The following ACACB variants were observed in gnomAD, a reference collection of about 807,000 sequenced individuals.
The protein encoded by ACACB is acetyl-CoA carboxylase 2.
In ACACB, 209 loss-of-function variants were observed where a neutral mutation model predicts 278.8. The observed-to-expected ratio is 0.75, with a 90% CI of 0.67 to 0.84. The LOEUF is 0.84. Among genes scored for constraint, ACACB ranks in the 40% least tolerant of loss-of-function variants. ACACB has a pLI of 0.00. For synonymous variants in ACACB, 1,174 were observed against 1,285.6 expected (o/e 0.91, Z 1.86); for missense variants, 2,850 against 3,269.0 (o/e 0.87, Z 3.13).
intron 39 of ACACB, 99 bp from the exon 40 acceptor site, chr12:109,247,507 A>C: frequency 1.3e-6 from 1 of 792,652 alleles, no homozygotes; most frequent in Non-Finnish European, 2.2e-6. Flanking sequence ...CTAACATGTT[A>C]TTAACATCCA....
At chr12:109,222,735 C>A in intron 25 of ACACB, 64 bp from the exon 26 acceptor site, 1 of 1,550,962 alleles carries the variant, frequency 6.4e-7, no homozygotes. Flanking sequence ...GGCCCGTGCC[C>A]GAGCCTCTGC....
At chr12:109,213,189 G>T (rs559604538) in intron 22 of ACACB, among the ~76,000 whole-genome samples, 2 of 152,232 alleles carry the variant, frequency 1.3e-5, no homozygotes, top group Admixed American at 1.3e-4. Flanking sequence ...TCAGCCTCCC[G>T]AATAGCTGGG....
Position 109,258,375 on chromosome 12 carries a change from C to T in ACACB, c.6360+11C>T, listed in dbSNP as rs571743738. 16 of 1,606,734 alleles carry T rather than the reference C, an allele frequency of 1.0e-5. No homozygotes were observed. Among genetic ancestry groups the T allele is most frequent in the South Asian group, 5.6e-5 (5 of 89,796 alleles). On this transcript the variant is annotated intron_variant, in intron 46 of 52. Transcript: ENST00000338432. ...GATTCTGAGGCCAAGGTGAGGGGGC[C>T]GGGAGCTGTGGCTGCTGGTTTAGCC...
chr12:109,184,315 A>T (rs535742439), intron 11 of ACACB, among the ~76,000 whole-genome samples: 1 of 152,074 alleles, frequency 6.6e-6, no homozygotes, highest in South Asian at 2.1e-4. Context: ...GGCCTCCCAA[A>T]ATGCTGGGAT....
At chr12:109,223,497 C>G (rs1430466851) in intron 26 of ACACB, among the ~76,000 whole-genome samples, 2 of 152,192 alleles carry the variant, frequency 1.3e-5, no homozygotes, top group Non-Finnish European at 2.9e-5. Context: ...GTGGCTCATG[C>G]CTGTAATCCC....
At position 109,168,033 on chromosome 12, in the gene ACACB, AG is replaced by A. The variant is rs1565881950; in HGVS notation, c.925+1del. The A allele has an allele frequency of 3.1e-6, 5 of 1,605,840 alleles. No individual in the cohort carries two copies. Among genetic ancestry groups the A allele is most frequent in the Non-Finnish European group, 4.3e-6 (5 of 1,175,430 alleles). ...CCCCCGAGGACCTTAAGGCCAACGC[AG>A]GTACCTGGGCCTTGACCCTCTCCTC... ...VTPEDLKANA[E>X]YIKMADHYVP... On this transcript the variant is annotated frameshift_variant and splice_region_variant, in exon 4 of 53. Transcript: ENST00000338432. LOFTEE classifies it high-confidence loss of function.
intron 17 of ACACB, among the ~76,000 whole-genome samples, 178 bp downstream of exon 17, chr12:109,197,331 C>A (rs1489045049): frequency 6.6e-6 from 1 of 152,114 alleles, no homozygotes; most frequent in Non-Finnish European, 1.5e-5. Context: ...GTGCAACTGG[C>A]AGATATTTAG....
chr12:109,211,264 T>G (rs967974334), intron 21 of ACACB, among the ~76,000 whole-genome samples: 2 of 151,772 alleles, frequency 1.3e-5, no homozygotes, highest in Admixed American at 1.3e-4. Flanking sequence ...GAATACTGAT[T>G]CATGCTCCCA....
chr12:109,150,967 TTTTCTTTTTTC>T (rs1468818479), intron 2 of ACACB, among the ~76,000 whole-genome samples: 1 of 147,378 alleles, frequency 6.8e-6, no homozygotes, highest in Non-Finnish European at 1.5e-5. Flanking sequence ...TTTTCTTTTC[TTTTCTTTTTTC>T]TTTCTTTTTT....
chr12:109,241,260 G>C lies in ACACB; in HGVS notation c.5001G>C (p.Val1667=). The change falls in exon 36 of 53, where the codon GTG becomes GTC. Residue 1667 remains valine, a synonymous_variant. Transcript: ENST00000338432. ...TGGACATCAGCCTCTACAAAGAAGT[G>C]ACTGACTCCAGATCTGGAAATGTAA... ...YYLDISLYKE[V]TDSRSGNIMF... 6.2e-7 allele frequency: 1 copy of C among 1,614,158 alleles called. No individual in the cohort carries two copies. Among genetic ancestry groups the C allele is most frequent in the Non-Finnish European group, 8.5e-7 (1 of 1,180,028 alleles).
At chr12:109,144,716 T>C (rs1200607855) in intron 2 of ACACB, among the ~76,000 whole-genome samples, 1 of 151,292 alleles carries the variant, frequency 6.6e-6, no homozygotes. Context: ...AAAGGGGAGC[T>C]TCATAGTTTC....
chr12:109,226,966 A>G (rs1055649440), intron 27 of ACACB, among the ~76,000 whole-genome samples: 1 of 149,708 alleles, frequency 6.7e-6, no homozygotes, highest in Non-Finnish European at 1.5e-5. Context: ...TTTTTTTTTA[A>G]TTGAGGAAGG....
At chr12:109,165,364 AT>A (rs958757664) in intron 2 of ACACB, among the ~76,000 whole-genome samples, 3 of 152,076 alleles carry the variant, frequency 2.0e-5, no homozygotes, top group African/African-American at 7.2e-5. Flanking sequence ...TATTATTATT[AT>A]TTTTAATGAG....
chr12:109,241,202 G>A lies in ACACB; in HGVS notation c.4943G>A (p.Arg1648His), dbSNP rs777367863. 16 of 1,614,158 alleles carry A rather than the reference G, an allele frequency of 9.9e-6. No individual in the cohort carries two copies. Among genetic ancestry groups the A allele is most frequent in the South Asian group, 6.6e-5 (6 of 91,082 alleles). ...QTTTGSAVPI[R>H]LFITNESGYY... ...ACCACCGGCAGTGCCGTTCCCATCC[G>A]CCTGTTCATCACCAATGAGTCGGGC... Residue 1648 changes from arginine (R) to histidine (H), a missense_variant, in exon 36 of 53, where the codon CGC (arginine) becomes CAC (histidine). This residue lies in a region of ACACB where 2,265 missense variants were observed against 2,561.3 expected (regional missense o/e 0.88). Transcript: ENST00000338432.
intron 29 of ACACB, 86 bp from the exon 30 acceptor site, chr12:109,233,662 C>T (rs1050544696): frequency 5.3e-6 from 6 of 1,123,322 alleles, no homozygotes; most frequent in African/African-American, 3.1e-5. Flanking sequence ...GAGGGTCTGG[C>T]GTTCCCTGCT....
chr12:109,237,319 A>C lies in ACACB; in HGVS notation c.4601A>C (p.Glu1534Ala). The change falls in exon 34 of 53, where the codon GAA (glutamate) becomes GCA (alanine). Residue 1534 changes from glutamate to alanine, a missense_variant. Glu to Ala is a moderately radical substitution (Grantham distance 107, BLOSUM62 -1). This residue lies in a region of ACACB where 2,265 missense variants were observed against 2,561.3 expected (regional missense o/e 0.88). Transcript: ENST00000338432. ...LGAAKVKEGV[E>A]VTDHRFFIRA... Reference sequence around the variant, plus strand: ...GCTGCCAAGGTGAAGGAAGGTGTGGAAGTGACGGACCATAGGTTCTTCATC... The same window carrying C: ...GCTGCCAAGGTGAAGGAAGGTGTGGCAGTGACGGACCATAGGTTCTTCATC... 6.2e-7 allele frequency: 1 copy of C among 1,614,158 alleles called. No individual in the cohort carries two copies. Among genetic ancestry groups the C allele is most frequent in the Non-Finnish European group, 8.5e-7 (1 of 1,180,032 alleles).
At position 109,265,466 on chromosome 12, in the gene ACACB, C is replaced by T; in HGVS notation, c.7191C>T (p.Ser2397=). 6.2e-7 allele frequency: 1 copy of T among 1,613,468 alleles called. No homozygotes were observed. Among genetic ancestry groups the T allele is most frequent in the African/African-American group, 1.3e-5 (1 of 75,016 alleles). The change falls in exon 52 of 53, where the codon TCC becomes TCT. Residue 2397 remains serine, a synonymous_variant. Transcript: ENST00000338432. ...GGCAGGCAGGGGATGGCCCGCGCTC[C>T]ACCATCCGTGAGAACATCACGTACC... ...QHWQAGDGPR[S]TIRENITYLK... is the part of the protein sequence containing the mutation.
chr12:109,162,405 G>T (rs944324409), intron 2 of ACACB, among the ~76,000 whole-genome samples: 3 of 152,078 alleles, frequency 2.0e-5, no homozygotes, highest in African/African-American at 4.8e-5. Context: ...CCCCCAAAAG[G>T]CATAGTGTCT....
In ACACB at chr12:109,250,379, G is replaced by A. The variant is rs3742024; in HGVS notation, c.5790+275G>A. On this transcript the variant is annotated intron_variant, in intron 41 of 52. Transcript: ENST00000338432. The stretch of plus-strand genomic sequence containing the variant: ...ATAATGACTCTCACCCTCTTCCCCC[G>A]GTTTTTAAAAACATAACTGAAATAC... Among the ~76,000 whole-genome samples, 215 of 151,914 alleles carry A rather than the reference G, an allele frequency of 1.4e-3. 2 individuals carry two copies. In the East Asian group the frequency reaches 0.034, roughly 24 times the overall value.
Sources: gnomAD v4.1 joint callset for allele counts (sites outside exome capture counted in the v4.1 genomes callset) on GRCh38, gnomAD v4.1.1 for gene constraint, gnomAD v4.1.1 regional missense constraint, MANE v1.5 for transcripts, NCBI Gene and HGNC (gene_info 2026-07-23, HGNC 2026-07-21) for gene names.